PPM1L: variants seen among roughly 807,000 people sequenced by gnomAD.
The protein encoded by PPM1L is protein phosphatase, Mg2+/Mn2+ dependent 1L.
In PPM1L, 13 loss-of-function variants were observed where a neutral mutation model predicts 31.4. That is an observed-to-expected ratio of 0.41 (90% CI 0.27 to 0.66). The LOEUF is 0.66. Among genes scored for constraint, PPM1L ranks in the 30% least tolerant of loss-of-function variants. PPM1L has a pLI of 0.29. For missense variants in PPM1L, 326 were observed against 453.7 expected (o/e 0.72, Z 2.56); for synonymous variants, 184 against 175.4 (o/e 1.05, Z -0.39).
intron 2 of PPM1L, among the ~76,000 whole-genome samples, chr3:160,987,643 A>G (rs1037599924): frequency 6.6e-6 from 1 of 152,208 alleles, no homozygotes. Flanking sequence ...CAGGCCTTTG[A>G]AAGTGCTTGG....
At chr3:160,975,712 T>C (rs1488038458) in intron 2 of PPM1L, among the ~76,000 whole-genome samples, 1 of 152,188 alleles carries the variant, frequency 6.6e-6, no homozygotes. Context: ...GTGATTTTGG[T>C]ACATTGATTT....
chr3:160,999,601 C>T (rs1048907589), intron 2 of PPM1L, among the ~76,000 whole-genome samples: 3 of 152,212 alleles, frequency 2.0e-5, no homozygotes, highest in Non-Finnish European at 4.4e-5. Context: ...CAGGCGTAAA[C>T]ATGTTTTCAA....
In PPM1L at chr3:160,927,162, T is replaced by C. The variant is rs539224801; in HGVS notation, c.400-34574T>C. On this transcript the variant is annotated intron_variant, in intron 1 of 3. Coordinates refer to ENST00000498165, the MANE Select transcript of PPM1L (RefSeq NM_139245.4). ...CAAGGAACATCCCATGACTTAAAGA[T>C]AGAAAACCCTAACCTGTATTACTTT... Among the ~76,000 whole-genome samples the C allele has an allele frequency of 1.9e-4, 29 of 152,290 alleles. 1 individual carries two copies. Among genetic ancestry groups the C allele is most frequent in the African/African-American group, 6.0e-4 (25 of 41,558 alleles).
intron 1 of PPM1L, among the ~76,000 whole-genome samples, chr3:160,858,328 G>A (rs1049180584): frequency 1.3e-5 from 2 of 151,822 alleles, no homozygotes; most frequent in Non-Finnish European, 2.9e-5. Context: ...CTCACTGCAA[G>A]AACCGCCTCC....
intron 1 of PPM1L, among the ~76,000 whole-genome samples, chr3:160,933,679 CT>C (rs1316694950): frequency 1.6e-3 from 226 of 144,746 alleles, no homozygotes; most frequent in Middle Eastern, 7.1e-3. Flanking sequence ...GTTGCCTTGA[CT>C]TTTTTTTTTT....
At chr3:161,005,354 T>C (rs956266841) in intron 2 of PPM1L, among the ~76,000 whole-genome samples, 3 of 152,212 alleles carry the variant, frequency 2.0e-5, no homozygotes, top group Non-Finnish European at 4.4e-5. Flanking sequence ...GAGTTATGTA[T>C]GAAGCCTACC....
chr3:160,819,396 T>C (rs1026602993), intron 1 of PPM1L, among the ~76,000 whole-genome samples: 2 of 151,982 alleles, frequency 1.3e-5, no homozygotes, highest in African/African-American at 4.8e-5. Flanking sequence ...GAAGGCAAGG[T>C]ATTTTCGCCT....
intron 1 of PPM1L, among the ~76,000 whole-genome samples, chr3:160,927,685 A>G (rs1714648900): frequency 1.3e-5 from 2 of 152,118 alleles, no homozygotes; most frequent in African/African-American, 2.4e-5. Context: ...TAACATGTCT[A>G]TAAGAAAAGC....
At chr3:160,969,113 A>C (rs768335695) in intron 2 of PPM1L, among the ~76,000 whole-genome samples, 3 of 152,214 alleles carry the variant, frequency 2.0e-5, no homozygotes, top group Non-Finnish European at 2.9e-5. Flanking sequence ...AGGCAGTCAC[A>C]TACAGCTTTC....
At chr3:160,849,938 G>A (rs1714212392) in intron 1 of PPM1L, among the ~76,000 whole-genome samples, 1 of 152,180 alleles carries the variant, frequency 6.6e-6, no homozygotes, top group South Asian at 2.1e-4. Flanking sequence ...ACTAAAATAT[G>A]TGGAGGTTTT....
Position 161,065,516 on chromosome 3 carries a change from G to A in PPM1L, c.688G>A (p.Asp230Asn). 1 of 1,614,094 alleles carries A rather than the reference G, an allele frequency of 6.2e-7. No homozygotes were observed. The highest frequency in any genetic ancestry group is 8.5e-7 in the Non-Finnish European group (1 of 1,179,962). Residue 230 changes from aspartate to asparagine, a missense_variant, in exon 3 of 4, where the codon GAT becomes AAT. Coordinates refer to ENST00000498165, the MANE Select transcript of PPM1L (RefSeq NM_139245.4). ...TGGGAACGCTATTCCTTTGTCTCATGATCACAAGCCTTACCAGTTGAAGGA... is the reference window on the plus strand; with the variant it reads ...TGGGAACGCTATTCCTTTGTCTCATAATCACAAGCCTTACCAGTTGAAGGA... ...KDGNAIPLSH[D>N]HKPYQLKERK...
chr3:160,793,377 G>A (rs766898186), intron 1 of PPM1L, among the ~76,000 whole-genome samples: 2 of 152,194 alleles, frequency 1.3e-5, no homozygotes, highest in Admixed American at 1.3e-4. Flanking sequence ...GCCATACAGA[G>A]ACAGAGTTCA....
intron 1 of PPM1L, among the ~76,000 whole-genome samples, chr3:160,773,314 C>A (rs1012407468): frequency 1.3e-5 from 2 of 151,996 alleles, no homozygotes; most frequent in Non-Finnish European, 2.9e-5. Context: ...CAGAGAGAAA[C>A]AGTTATCAAA....
intron 2 of PPM1L, among the ~76,000 whole-genome samples, chr3:160,992,648 T>C (rs1464289723): frequency 6.6e-6 from 1 of 152,226 alleles, no homozygotes; most frequent in African/African-American, 2.4e-5. Flanking sequence ...TTCTTGTCCA[T>C]TGCAAACAAC....
intron 2 of PPM1L, among the ~76,000 whole-genome samples, chr3:160,991,572 T>G (rs1337849240): frequency 6.6e-6 from 1 of 152,192 alleles, no homozygotes; most frequent in Non-Finnish European, 1.5e-5. Context: ...TGATGAAATT[T>G]TTTTAAATGT....
chr3:160,995,051 G>T (rs181686132), intron 2 of PPM1L, among the ~76,000 whole-genome samples: 28 of 152,314 alleles, frequency 1.8e-4, no homozygotes, highest in African/African-American at 6.3e-4. Flanking sequence ...GTTTTAAACA[G>T]CGTTATTAAA....
intron 1 of PPM1L, among the ~76,000 whole-genome samples, chr3:160,934,979 T>C (rs1714919939): frequency 6.6e-6 from 1 of 152,152 alleles, no homozygotes; most frequent in Non-Finnish European, 1.5e-5. Flanking sequence ...CATTAAATCA[T>C]GTTTTAATGG....
At chr3:160,955,359 T>C (rs950896414) in intron 1 of PPM1L, among the ~76,000 whole-genome samples, 12 of 152,100 alleles carry the variant, frequency 7.9e-5, no homozygotes, top group Non-Finnish European at 1.3e-4. Flanking sequence ...TCTACCAGAA[T>C]TATTTCCTGA....
At chr3:160,830,768 C>T (rs1052916675) in intron 1 of PPM1L, among the ~76,000 whole-genome samples, 1 of 152,252 alleles carries the variant, frequency 6.6e-6, no homozygotes, top group East Asian at 1.9e-4. Flanking sequence ...TATGTTTTCT[C>T]TTGCAATTTT....
Sources: allele counts gnomAD v4.1 joint callset (sites outside exome capture counted in the v4.1 genomes callset), GRCh38; gene constraint gnomAD v4.1.1; transcripts MANE v1.5; gene names NCBI Gene and HGNC (gene_info 2026-07-23, HGNC 2026-07-21).